The following COL4A3 variants were observed in gnomAD, a reference collection of about 807,000 sequenced individuals.
COL4A3 encodes the protein collagen type IV alpha 3 chain.
A neutral mutation model predicts 217.4 loss-of-function variants in COL4A3; 135 were observed. That is an observed-to-expected ratio of 0.62 (90% confidence interval 0.54 to 0.72). The LOEUF (loss-of-function observed/expected upper bound fraction) is 0.72, where lower values mean the gene tolerates loss of function less well. Ranked by LOEUF, COL4A3 falls within the 30% of genes least tolerant of loss-of-function variation. COL4A3 has a pLI of 0.00. For synonymous variants in COL4A3, 690 were observed against 736.3 expected, an observed-to-expected ratio of 0.94 and a Z score of 1.02; for missense variants, 1,868 against 2,119.9, an observed-to-expected ratio of 0.88 and a Z score of 2.33.
chr2:227,256,143 T>G (rs1238473705), intron 16 of COL4A3, 73 bp downstream of exon 16: 1 of 1,454,610 alleles, frequency 6.9e-7, no homozygotes, highest in Non-Finnish European at 9.6e-7. Flanking sequence ...TTTTTTAAAA[T>G]CACTAAATAG....
chr2:227,245,889 T>C (rs2125909567), intron 5 of COL4A3, 65 bp from the exon 6 acceptor site: 1 of 1,165,498 alleles, frequency 8.6e-7, no homozygotes, highest in Non-Finnish European at 1.3e-6. Flanking sequence ...CAGTGCATCT[T>C]TTCCCTTGGG....
At chr2:227,296,729 G>A (rs7600181) in intron 41 of COL4A3, among the ~76,000 whole-genome samples, 6 of 152,096 alleles carry the variant, frequency 3.9e-5, no homozygotes, top group African/African-American at 1.2e-4. Flanking sequence ...TAAATTACAG[G>A]CATTAAAAAG....
intron 35 of COL4A3, 103 bp from the exon 36 acceptor site, chr2:227,289,896 T>G: frequency 8.8e-7 from 1 of 1,132,816 alleles, no homozygotes; most frequent in Non-Finnish European, 1.3e-6. Context: ...CCAGCCGGTC[T>G]GGCTGTTCTG....
intron 1 of COL4A3, among the ~76,000 whole-genome samples, chr2:227,205,710 A>ATATTTTTT (rs557701713): frequency 6.7e-6 from 1 of 149,574 alleles, no homozygotes; most frequent in South Asian, 2.1e-4. Flanking sequence ...TTCAACAAAT[A>ATATTTTTT]TTTTTTTTTT....
chr2:227,218,072 A>G (rs925189039), intron 1 of COL4A3, among the ~76,000 whole-genome samples: 1 of 82,826 alleles, frequency 1.2e-5, no homozygotes, highest in Non-Finnish European at 2.3e-5. Context: ...AAATAACTAT[A>G]TATATAGCTA....
At chr2:227,177,175 A>G (rs987332681) in intron 1 of COL4A3, among the ~76,000 whole-genome samples, 2 of 121,282 alleles carry the variant, frequency 1.6e-5, no homozygotes, top group African/African-American at 6.4e-5. Context: ...CTCCAGATGG[A>G]GTCTTGCTCT....
chr2:227,173,621 T>C (rs753379440), intron 1 of COL4A3, among the ~76,000 whole-genome samples: 8 of 152,222 alleles, frequency 5.3e-5, no homozygotes, highest in Non-Finnish European at 8.8e-5. Flanking sequence ...AATAGAAATA[T>C]AATGTGAGCC....
At chr2:227,237,229 T>C (rs1270576458) in intron 1 of COL4A3, among the ~76,000 whole-genome samples, 2 of 152,240 alleles carry the variant, frequency 1.3e-5, no homozygotes, top group Non-Finnish European at 2.9e-5. Flanking sequence ...ATTCTGATAC[T>C]AGCATTAATG....
intron 1 of COL4A3, among the ~76,000 whole-genome samples, chr2:227,190,618 A>G (rs889419139): frequency 6.6e-6 from 1 of 152,336 alleles, no homozygotes; most frequent in Admixed American, 6.5e-5. Flanking sequence ...TTCTATTATA[A>G]AAGTAATAGG....
At chr2:227,298,883 T>A in intron 43 of COL4A3, 71 bp downstream of exon 43, 1 of 1,351,940 alleles carries the variant, frequency 7.4e-7, no homozygotes, top group Non-Finnish European at 1.0e-6. Flanking sequence ...ATATTGTATA[T>A]TATATCATAT....
chr2:227,168,800 A>T (rs2065367776), intron 1 of COL4A3, among the ~76,000 whole-genome samples: 1 of 152,094 alleles, frequency 6.6e-6, no homozygotes, highest in African/African-American at 2.4e-5. Flanking sequence ...GAATTATGAG[A>T]TCTACTTTTA....
chr2:227,304,162 T>C lies in COL4A3; in HGVS notation c.4153+18T>C. On this transcript the variant is annotated intron_variant, in intron 46 of 51. Coordinates refer to ENST00000396578, the MANE Select transcript of COL4A3 (RefSeq NM_000091.5). ...AAACCTAGGTGTGGGACTGGCAGCA[T>C]TGACTTGGATCACTAGGAAGTGGTT... 2.5e-6 allele frequency: 4 copies of C among 1,613,508 alleles called. No homozygotes were observed. Among genetic ancestry groups the C allele is most frequent in the Middle Eastern group, 1.8e-4 (1 of 5,710 alleles).
intron 3 of COL4A3, among the ~76,000 whole-genome samples, chr2:227,241,422 C>T (rs2069013055): frequency 6.6e-6 from 1 of 152,032 alleles, no homozygotes; most frequent in South Asian, 2.1e-4. Flanking sequence ...GCCTGTAATC[C>T]CATTGCTCTG....
rs1272024338 is a variant in COL4A3 at position 227,272,804 on chromosome 2, A to G, written c.1759-145A>G. 21 of 893,434 alleles carry G rather than the reference A, an allele frequency of 2.4e-5. No homozygotes were observed. In the Admixed American group the frequency reaches 3.9e-4, roughly 16 times the overall value. 55.3% of individuals were successfully genotyped at this position (893,434 alleles called of 1,614,324 possible). On this transcript the variant is annotated intron_variant, in intron 25 of 51. Transcript: ENST00000396578. ...AAGAAACCTGCAGTGCTCTTACTTTAGTAATAATTCTCATCAAATGCCAAA... is the reference window on the plus strand; with the variant it reads ...AAGAAACCTGCAGTGCTCTTACTTTGGTAATAATTCTCATCAAATGCCAAA...
At chr2:227,309,924 G>A (rs1298023677) in intron 50 of COL4A3, among the ~76,000 whole-genome samples, 4 of 152,112 alleles carry the variant, frequency 2.6e-5, no homozygotes, top group African/African-American at 9.7e-5. Context: ...ACTGCACCCA[G>A]CCTGGAATGC....
At chr2:227,205,872 C>T (rs994861300) in intron 1 of COL4A3, among the ~76,000 whole-genome samples, 5 of 149,792 alleles carry the variant, frequency 3.3e-5, no homozygotes, top group African/African-American at 7.4e-5. Context: ...TGCCAAATGT[C>T]GTAAGAGCAG....
chr2:227,237,781 A>G, intron 1 of COL4A3, 187 bp from the exon 2 acceptor site: 1 of 550,204 alleles, frequency 1.8e-6, no homozygotes, highest in South Asian at 1.7e-5. Flanking sequence ...ACATGTTCTC[A>G]GTTTTCTACT....
rs369517619 is a variant in COL4A3, at chr2:227,244,346, G to A, written c.261G>A (p.Thr87=). The change falls in exon 4 of 52, where the codon ACG becomes ACA. Residue 87 remains threonine, a synonymous_variant. Coordinates refer to ENST00000396578, the MANE Select transcript of COL4A3 (RefSeq NM_000091.5). ...GCTTTCCAGGACTTCCAGGACTCAC[G>A]GGTTCCAAAGGTGTAAGGGTTAGTA... The part of the protein sequence containing the change: ...PKGFPGLPGL[T]GSKGVRGISG... The A allele has an allele frequency of 4.5e-5, 73 of 1,613,786 alleles. No homozygotes were observed. Among genetic ancestry groups the A allele is most frequent in the Middle Eastern group, 3.3e-4 (2 of 6,062 alleles).
intron 1 of COL4A3, among the ~76,000 whole-genome samples, chr2:227,228,259 ATTC>A (rs774682832): frequency 6.6e-6 from 1 of 152,208 alleles, no homozygotes. Context: ...CATGGGTGTC[ATTC>A]TTCTTCACTG....
Sources: allele counts gnomAD v4.1 joint callset (sites outside exome capture counted in the v4.1 genomes callset), GRCh38; gene constraint gnomAD v4.1.1; transcripts MANE v1.5; gene names NCBI Gene and HGNC (gene_info 2026-07-23, HGNC 2026-07-21).